The following INPP4B variants were observed in gnomAD, a reference collection of about 807,000 sequenced individuals.
INPP4B encodes inositol polyphosphate 4-phosphatase type II.
A neutral mutation model predicts 122.5 loss-of-function variants in INPP4B; 55 were observed. The ratio of observed to expected loss-of-function variants is 0.45; its 90% CI spans 0.36 to 0.56. The LOEUF (loss-of-function observed/expected upper bound fraction) is 0.56, where lower values mean the gene tolerates loss of function less well. Among genes scored for constraint, INPP4B ranks in the 20% least tolerant of loss-of-function variants. The pLI is 0.00. For missense variants in INPP4B, 1,000 were observed against 1,097.7 expected (o/e 0.91, Z 1.26); for synonymous variants, 403 against 388.7 (o/e 1.04, Z -0.43).
chr4:142,580,939 C>A lies in INPP4B; in HGVS notation c.-190-118213G>T, dbSNP rs114336522. 5.2e-3 allele frequency among the ~76,000 whole-genome samples: 787 copies of A among 152,142 alleles called. 6 individuals are homozygous for A. The highest frequency in any genetic ancestry group is 0.017 in the African/African-American group (714 of 41,522). On this transcript the variant is annotated intron_variant, in intron 2 of 25. Transcript: ENST00000262992. Reference sequence around the variant, plus strand: ...CATGAACTCTGGCCCAGGTGCAGGACATGTCCTAATTGTACAATATGTATA... The same window carrying A: ...CATGAACTCTGGCCCAGGTGCAGGAAATGTCCTAATTGTACAATATGTATA...
intron 1 of INPP4B, among the ~76,000 whole-genome samples, chr4:142,803,878 G>A (rs1277642349): frequency 6.6e-6 from 1 of 151,864 alleles, no homozygotes; most frequent in African/African-American, 2.4e-5. Flanking sequence ...CCAAGACGGT[G>A]AAATCCCGTC....
At chr4:142,409,198 A>G (rs980280200) in intron 5 of INPP4B, among the ~76,000 whole-genome samples, 1 of 152,178 alleles carries the variant, frequency 6.6e-6, no homozygotes, top group South Asian at 2.1e-4. Context: ...TAATAATAAA[A>G]ATAAATGGAG....
At chr4:142,237,525 A>T (rs1169938022) in intron 12 of INPP4B, among the ~76,000 whole-genome samples, 2 of 152,040 alleles carry the variant, frequency 1.3e-5, no homozygotes, top group African/African-American at 2.4e-5. Flanking sequence ...AGAATTAAAG[A>T]CCTGGTGTGT....
intron 15 of INPP4B, among the ~76,000 whole-genome samples, chr4:142,178,221 A>G (rs372969980): frequency 1.3e-5 from 2 of 152,198 alleles, no homozygotes; most frequent in East Asian, 3.9e-4. Flanking sequence ...TCTTTCATCC[A>G]ACTTTTCAGA....
intron 8 of INPP4B, among the ~76,000 whole-genome samples, chr4:142,306,511 G>A (rs1763424777): frequency 6.6e-6 from 1 of 152,204 alleles, no homozygotes; most frequent in Non-Finnish European, 1.5e-5. Context: ...ACACTAGAAT[G>A]AGAGGCTGGA....
At chr4:142,687,494 G>C (rs1759511160) in intron 2 of INPP4B, among the ~76,000 whole-genome samples, 1 of 133,022 alleles carries the variant, frequency 7.5e-6, no homozygotes. Context: ...GGGATTCAAA[G>C]CAAAAAAGGA....
intron 3 of INPP4B, among the ~76,000 whole-genome samples, chr4:142,442,182 G>A (rs939247027): frequency 6.6e-6 from 1 of 152,052 alleles, no homozygotes; most frequent in African/African-American, 2.4e-5. Context: ...GGAGGCTGAG[G>A]TGGGTGGATC....
At chr4:142,645,640 C>T (rs564941262) in intron 2 of INPP4B, among the ~76,000 whole-genome samples, 10 of 152,232 alleles carry the variant, frequency 6.6e-5, no homozygotes, top group African/African-American at 9.6e-5. Context: ...AGGCAGAAGC[C>T]GGATGTTAAG....
In INPP4B at chr4:142,089,064, C is replaced by T. The variant is rs567162937; in HGVS notation, c.2375-2808G>A. Among the ~76,000 whole-genome samples, 9 of 152,258 alleles carry T rather than the reference C, an allele frequency of 5.9e-5. No homozygotes were observed. The South Asian group carries it at 1.9e-3, about 32-fold the overall frequency. On this transcript the variant is annotated intron_variant, in intron 23 of 25. Coordinates refer to ENST00000262992, the MANE Select transcript of INPP4B (RefSeq NM_001101669.3). ...AATAGCAAAGGCACGAGGCATGAGC[C>T]AGTACTGCAGAAACACGGAGTGTGC...
intron 7 of INPP4B, among the ~76,000 whole-genome samples, chr4:142,315,479 T>C (rs917939831): frequency 6.6e-6 from 1 of 152,048 alleles, no homozygotes; most frequent in Non-Finnish European, 1.5e-5. Context: ...AAGAGACATG[T>C]ATCTTCAACT....
intron 1 of INPP4B, among the ~76,000 whole-genome samples, chr4:142,733,472 A>T (rs1482576495): frequency 1.3e-5 from 2 of 152,176 alleles, no homozygotes; most frequent in African/African-American, 4.8e-5. Flanking sequence ...CAAAAGTCAT[A>T]AATATAAACT....
chr4:142,083,957 G>A (rs1245014319), intron 24 of INPP4B, among the ~76,000 whole-genome samples: 5 of 152,010 alleles, frequency 3.3e-5, no homozygotes, highest in East Asian at 1.9e-4. Context: ...TAAATTTAAA[G>A]TCTAGTGGAG....
At chr4:142,706,499 G>T (rs1031576519) in intron 2 of INPP4B, among the ~76,000 whole-genome samples, 11 of 152,188 alleles carry the variant, frequency 7.2e-5, no homozygotes, top group Non-Finnish European at 2.9e-5. Context: ...GTATGTATTT[G>T]CTTATCCATC....
At chr4:142,392,765 A>G (rs1484943482) in intron 7 of INPP4B, among the ~76,000 whole-genome samples, 1 of 152,236 alleles carries the variant, frequency 6.6e-6, no homozygotes, top group Non-Finnish European at 1.5e-5. Context: ...AGAGTTGGCT[A>G]AACAGAAAAG....
chr4:142,291,293 T>C (rs1191150664), intron 9 of INPP4B, among the ~76,000 whole-genome samples: 1 of 152,200 alleles, frequency 6.6e-6, no homozygotes, highest in African/African-American at 2.4e-5. Flanking sequence ...CTAACTCAAA[T>C]TTTTTATTTT....
intron 5 of INPP4B, among the ~76,000 whole-genome samples, chr4:142,406,364 G>C (rs544687860): frequency 7.9e-5 from 12 of 152,168 alleles, no homozygotes; most frequent in Non-Finnish European, 1.6e-4. Context: ...AGAGAAAGAT[G>C]AGGTATTTAA....
chr4:142,705,300 A>G (rs1373198266), intron 2 of INPP4B, among the ~76,000 whole-genome samples: 2 of 152,120 alleles, frequency 1.3e-5, no homozygotes, highest in African/African-American at 2.4e-5. Flanking sequence ...TGGGCTTTCA[A>G]TCCTGCACAT....
At chr4:142,836,766 T>C (rs1288368758) in intron 1 of INPP4B, among the ~76,000 whole-genome samples, 1 of 136,340 alleles carries the variant, frequency 7.3e-6, no homozygotes, top group African/African-American at 2.7e-5. Context: ...ACATTCAACT[T>C]ATCCATAAAC....
chr4:142,566,459 G>A (rs1292877251), intron 2 of INPP4B, among the ~76,000 whole-genome samples: 4 of 152,190 alleles, frequency 2.6e-5, no homozygotes, highest in Non-Finnish European at 4.4e-5. Context: ...CAGAAGGTGA[G>A]TCAATGGAAG....
Sources: allele counts gnomAD v4.1 joint callset (sites outside exome capture counted in the v4.1 genomes callset), GRCh38; gene constraint gnomAD v4.1.1; transcripts MANE v1.5; gene names NCBI Gene and HGNC (gene_info 2026-07-23, HGNC 2026-07-21).